The following NMNAT3 variants were observed in gnomAD, a reference collection of about 807,000 sequenced individuals.
NMNAT3 encodes the protein nicotinamide nucleotide adenylyltransferase 3, also known as nicotinamide/nicotinic acid mononucleotide adenylyltransferase 3.
NMNAT3 carries 21 observed loss-of-function variants against 24.8 expected under a neutral mutation model. The ratio of observed to expected loss-of-function variants is 0.85; its 90% CI spans 0.60 to 1.22. The LOEUF (loss-of-function observed/expected upper bound fraction) is 1.22, where lower values mean the gene tolerates loss of function less well. Ranked by LOEUF, NMNAT3 falls within the 50% of genes most tolerant of loss-of-function variation. The probability of loss-of-function intolerance (pLI) is 0.00; values close to 1 mark genes in which losing one functional copy is unlikely to be tolerated. For missense variants in NMNAT3, 387 were observed against 436.6 expected, an observed-to-expected ratio of 0.89 and a Z score of 1.01; for synonymous variants, 136 against 155.2, an observed-to-expected ratio of 0.88 and a Z score of 0.92.
chr3:139,581,717 T>C (rs534523745), intron 4 of NMNAT3, among the ~76,000 whole-genome samples: 42 of 152,134 alleles, frequency 2.8e-4, no homozygotes, highest in Admixed American at 7.2e-4. Context: ...AAGTGTGCTG[T>C]GGGGAAAGCT....
chr3:139,625,133 T>G (rs1237289281), intron 3 of NMNAT3, among the ~76,000 whole-genome samples: 1 of 152,212 alleles, frequency 6.6e-6, no homozygotes, highest in African/African-American at 2.4e-5. Flanking sequence ...GAAATCTACT[T>G]TCTCTGTATT....
chr3:139,673,930 C>T (rs2057842369), intron 1 of NMNAT3, among the ~76,000 whole-genome samples: 1 of 151,984 alleles, frequency 6.6e-6, no homozygotes, highest in Admixed American at 6.6e-5. Flanking sequence ...CGACAGGCAC[C>T]CGCTGGTACT....
chr3:139,587,577 G>A (rs539315066), intron 3 of NMNAT3, among the ~76,000 whole-genome samples: 15 of 152,240 alleles, frequency 9.9e-5, no homozygotes, highest in Non-Finnish European at 1.9e-4. Flanking sequence ...AAATGCACTT[G>A]ATTAATAACT....
rs1030849977 is a variant in NMNAT3 at position 139,569,709 on chromosome 3, T to G, written c.658+3889A>C. ...GGCTTGTAGAGTTTCTGCCGAGAGGTCCGCTGTTAGTCTGATGGGCTTCCC... is the reference window on the plus strand; with the variant it reads ...GGCTTGTAGAGTTTCTGCCGAGAGGGCCGCTGTTAGTCTGATGGGCTTCCC... On this transcript the variant is annotated intron_variant, in intron 6 of 6. Coordinates refer to ENST00000643695, the MANE Select transcript of NMNAT3 (RefSeq NM_001320510.2). The G allele has an allele frequency of 5.8e-4, 88 of 152,322 alleles. 1 individual carries two copies. Among genetic ancestry groups the G allele is most frequent in the African/African-American group, 2.1e-3 (87 of 41,574 alleles). The allele number at this position is 152,322 out of a possible 1,614,324, so 9.4% of individuals were successfully genotyped here.
At chr3:139,656,869 C>A (rs967246595) in intron 1 of NMNAT3, among the ~76,000 whole-genome samples, 13 of 152,132 alleles carry the variant, frequency 8.5e-5, no homozygotes, top group African/African-American at 2.7e-4. Context: ...ACATTTTGAA[C>A]CTTCATGGAT....
At chr3:139,626,702 C>A (rs1406736741) in intron 3 of NMNAT3, among the ~76,000 whole-genome samples, 5 of 152,064 alleles carry the variant, frequency 3.3e-5, no homozygotes, top group Non-Finnish European at 7.4e-5. Context: ...AATAGGATAT[C>A]ACTTTTACTT....
chr3:139,636,157 T>C (rs548684503), intron 2 of NMNAT3: 2 of 152,348 alleles, frequency 1.3e-5, no homozygotes, highest in East Asian at 3.9e-4. Flanking sequence ...TTTTCTATTA[T>C]ACACAGCTAA....
intron 4 of NMNAT3, among the ~76,000 whole-genome samples, chr3:139,579,790 A>ACATT (rs1939896589): frequency 6.6e-6 from 1 of 152,192 alleles, no homozygotes; most frequent in Admixed American, 6.5e-5. Context: ...TTATTTTGAG[A>ACATT]CATTCCCTGT....
chr3:139,677,788 G>A lies in NMNAT3; in HGVS notation c.-224C>T, dbSNP rs567038901. On this transcript the variant is annotated 5_prime_UTR_variant, in exon 1 of 7. Coordinates refer to ENST00000643695, the MANE Select transcript of NMNAT3 (RefSeq NM_001320510.2). ...TAGGGGACCTGCTGGGCCTAGCAGGGGCTGTCGGTCAGCGCGCGGCCCGGC... is the reference window on the plus strand; with the variant it reads ...TAGGGGACCTGCTGGGCCTAGCAGGAGCTGTCGGTCAGCGCGCGGCCCGGC... The A allele has an allele frequency of 6.6e-6, 1 of 152,502 alleles. No homozygotes were observed. Among genetic ancestry groups the A allele is most frequent in the East Asian group, 1.9e-4 (1 of 5,172 alleles). The allele number at this position is 152,502 out of a possible 1,614,324, so 9.4% of individuals were successfully genotyped here. A position where few individuals can be genotyped will look rare whatever the true frequency, so the allele number is the denominator to read the frequency against.
chr3:139,670,766 T>C (rs1454192032), intron 1 of NMNAT3, among the ~76,000 whole-genome samples: 2 of 152,164 alleles, frequency 1.3e-5, no homozygotes, highest in Non-Finnish European at 1.5e-5. Context: ...TGTGTTGGGT[T>C]GTGGGGAGAG....
chr3:139,669,240 A>G (rs559806184), intron 1 of NMNAT3, among the ~76,000 whole-genome samples: 81 of 152,232 alleles, frequency 5.3e-4, no homozygotes, highest in Admixed American at 1.2e-3. Flanking sequence ...CGGGAGGCCA[A>G]GGCAGGCAGA....
At chr3:139,591,761 G>A (rs147073733) in intron 3 of NMNAT3, among the ~76,000 whole-genome samples, 588 of 126,482 alleles carry the variant, frequency 4.6e-3, no homozygotes, top group South Asian at 0.01. Context: ...TGAGGGTCCT[G>A]TCTGTTAGAA....
chr3:139,642,555 A>G (rs2056740594), intron 1 of NMNAT3, among the ~76,000 whole-genome samples: 1 of 152,166 alleles, frequency 6.6e-6, no homozygotes, highest in Non-Finnish European at 1.5e-5. Context: ...ACACTTTTGA[A>G]TGAACATTAT....
At chr3:139,631,008 T>A (rs2056273394) in intron 2 of NMNAT3, among the ~76,000 whole-genome samples, 1 of 152,188 alleles carries the variant, frequency 6.6e-6, no homozygotes, top group African/African-American at 2.4e-5. Context: ...CATCCATTTT[T>A]CCAAAAGTTC....
rs1263967761 is a variant in NMNAT3, at chr3:139,671,261, T to C, written c.-141+6444A>G. Among the ~76,000 whole-genome samples, 5 of 152,350 alleles carry C rather than the reference T, an allele frequency of 3.3e-5. No homozygotes were observed. In the East Asian group the frequency reaches 5.8e-4, roughly 18 times the overall value. ...TAAATATGTCTGTAATGTAACCGCA[T>C]TCTGTTCCCAGAGCATGTTAAGGTT... On this transcript the variant is annotated intron_variant, in intron 1 of 6. Coordinates refer to ENST00000643695, the MANE Select transcript of NMNAT3 (RefSeq NM_001320510.2).
chr3:139,631,980 C>T (rs2056318905), intron 2 of NMNAT3, among the ~76,000 whole-genome samples: 2 of 151,936 alleles, frequency 1.3e-5, no homozygotes, highest in Non-Finnish European at 2.9e-5. Context: ...GAGACAGGGT[C>T]CCACTTTGTT....
At chr3:139,584,575 G>T (rs992899696) in intron 3 of NMNAT3, 3 of 152,076 alleles carry the variant, frequency 2.0e-5, no homozygotes, top group Non-Finnish European at 4.4e-5. Context: ...TGTCTGTTTT[G>T]ATCCATGACT....
At chr3:139,652,128 T>C (rs560049740) in intron 1 of NMNAT3, among the ~76,000 whole-genome samples, 6 of 152,290 alleles carry the variant, frequency 3.9e-5, no homozygotes, top group African/African-American at 1.4e-4. Context: ...CATCGTGCCC[T>C]GAGTCCTACC....
intron 3 of NMNAT3, among the ~76,000 whole-genome samples, chr3:139,605,899 T>C (rs2054919912): frequency 9.7e-6 from 1 of 103,606 alleles, no homozygotes; most frequent in Non-Finnish European, 1.9e-5. Context: ...ATTACTATTA[T>C]TTTGGCTTCA....
Sources: allele counts gnomAD v4.1 joint callset (sites outside exome capture counted in the v4.1 genomes callset), GRCh38; gene constraint gnomAD v4.1.1; transcripts MANE v1.5; gene names NCBI Gene and HGNC (gene_info 2026-07-23, HGNC 2026-07-21).